Variants in ZNF713 observed in about 807,000 individuals in gnomAD.
ZNF713 encodes zinc finger protein 713.
A neutral mutation model predicts 28.7 loss-of-function variants in ZNF713; 21 were observed. That is an observed-to-expected ratio of 0.73 (90% CI 0.52 to 1.05). ZNF713 has a LOEUF of 1.05. Ranked by LOEUF, ZNF713 falls within the 50% of genes least tolerant of loss-of-function variation. The pLI is 0.00. For synonymous variants in ZNF713, 167 were observed against 178.0 expected, an observed-to-expected ratio of 0.94 and a Z score of 0.49; for missense variants, 458 against 532.4, an observed-to-expected ratio of 0.86 and a Z score of 1.37.
At chr7:55,933,462 A>G (rs1786283393) in intron 6 of ZNF713, among the ~76,000 whole-genome samples, 1 of 151,234 alleles carries the variant, frequency 6.6e-6, no homozygotes, top group African/African-American at 2.4e-5. Context: ...CGCCTGGCTA[A>G]TTTTTTGTAT....
intron 2 of ZNF713, among the ~76,000 whole-genome samples, chr7:55,910,163 G>T (rs894218976): frequency 3.3e-5 from 5 of 151,546 alleles, no homozygotes; most frequent in African/African-American, 1.2e-4. Context: ...ACACTAATTT[G>T]TATCTTGAAA....
chr7:55,930,113 T>C (rs1584317081), intron 6 of ZNF713, among the ~76,000 whole-genome samples: 1 of 151,850 alleles, frequency 6.6e-6, no homozygotes, highest in African/African-American at 2.4e-5. Context: ...CAGGCTGGAG[T>C]GCAGTGACAC....
At chr7:55,914,523 C>T (rs1350982046) in intron 4 of ZNF713, among the ~76,000 whole-genome samples, 1 of 152,172 alleles carries the variant, frequency 6.6e-6, no homozygotes, top group East Asian at 1.9e-4. Flanking sequence ...CCACATCACA[C>T]AACTAATATT....
intron 4 of ZNF713, among the ~76,000 whole-genome samples, chr7:55,920,830 A>G (rs1050940077): frequency 1.3e-5 from 2 of 151,984 alleles, no homozygotes; most frequent in African/African-American, 4.8e-5. Flanking sequence ...CATGTTGGCC[A>G]GGCTGGTCTC....
chr7:55,933,540 A>G (rs1032930569), intron 6 of ZNF713, among the ~76,000 whole-genome samples: 1 of 151,924 alleles, frequency 6.6e-6, no homozygotes, highest in Non-Finnish European at 1.5e-5. Context: ...CAGGTGATCC[A>G]CCCAACTCGG....
At position 55,911,856 on chromosome 7, in the gene ZNF713, A is replaced by G. The variant is rs1785789774; in HGVS notation, c.-215A>G. The stretch of plus-strand genomic sequence containing the variant: ...TTGGCTCCTGAGGCTCTAATCAGAG[A>G]TGGGGCACCTTTAGTACCAGGGGAG... On this transcript the variant is annotated 5_prime_UTR_variant, in exon 3 of 7. It removes an upstream start codon present in the reference 5' UTR. Transcript: ENST00000429591. 6.6e-6 allele frequency: 1 copy of G among 152,164 alleles called. No homozygotes were observed. Among genetic ancestry groups the G allele is most frequent in the South Asian group, 2.1e-4 (1 of 4,832 alleles). The allele number at this position is 152,164 out of a possible 1,614,324, so 9.4% of individuals were successfully genotyped here. A position where few individuals can be genotyped will look rare whatever the true frequency, so the allele number is the denominator to read the frequency against.
chr7:55,895,506 T>C (rs1272905901), intron 1 of ZNF713, among the ~76,000 whole-genome samples: 2 of 126,086 alleles, frequency 1.6e-5, no homozygotes, highest in Non-Finnish European at 3.2e-5. Context: ...TTCACTCTTA[T>C]TGCCCAGGCT....
Position 55,923,710 on chromosome 7 carries a change from A to G in ZNF713, c.307+11A>G, listed in dbSNP as rs138331393. ...TGGATACTCATCCAGGTAAGTGCAC[A>G]CTCTTGGGCACTGCTACTTAATGAG... On this transcript the variant is annotated intron_variant, in intron 6 of 6. Coordinates refer to ENST00000429591, the MANE Select transcript of ZNF713 (RefSeq NM_182633.3). The G allele has an allele frequency of 1.6e-4, 251 of 1,602,836 alleles. 2 individuals are homozygous for G. The African/African-American group carries it at 3.0e-3, about 19-fold the overall frequency.
At chr7:55,923,767 A>G (rs549623812) in intron 6 of ZNF713, 68 bp downstream of exon 6, 40 of 1,246,778 alleles carry the variant, frequency 3.2e-5, no homozygotes, top group Admixed American at 7.7e-5. Context: ...CACTCAGTGG[A>G]GTGTTCCAAA....
intron 1 of ZNF713, among the ~76,000 whole-genome samples, chr7:55,903,775 TATC>T (rs775565258): frequency 3.3e-5 from 5 of 151,016 alleles, no homozygotes; most frequent in Non-Finnish European, 5.9e-5. Context: ...AAGGAGTAGA[TATC>T]ATGGGGGTGG....
At chr7:55,892,305 C>T (rs12718988) in intron 1 of ZNF713, among the ~76,000 whole-genome samples, 102,098 of 126,738 alleles carry the variant, frequency 0.81, 41,419 homozygotes, top group East Asian at 0.94. Context: ...AAAAAAAAAA[C>T]CCCAGGAACA....
chr7:55,940,525 C>T lies in ZNF713; in HGVS notation c.*519C>T. The T allele has an allele frequency of 1.0e-6, 1 of 979,148 alleles. No individual in the cohort carries two copies. Among genetic ancestry groups the T allele is most frequent in the East Asian group, 1.1e-4 (1 of 8,750 alleles). 60.7% of individuals were successfully genotyped at this position (979,148 alleles called of 1,614,324 possible). On this transcript the variant is annotated 3_prime_UTR_variant, in exon 7 of 7. Transcript: ENST00000429591. ...TAAAAAGAAAAAATAATTTATTTTACAAATGAGATTATATTTGGAGTCATG... is the reference window on the plus strand; with the variant it reads ...TAAAAAGAAAAAATAATTTATTTTATAAATGAGATTATATTTGGAGTCATG...
intron 1 of ZNF713, among the ~76,000 whole-genome samples, chr7:55,896,695 T>C (rs1301528329): frequency 2.0e-5 from 3 of 151,724 alleles, no homozygotes. Context: ...TATTTCCTAG[T>C]TATGTCTGCT....
At position 55,903,115 on chromosome 7, in the gene ZNF713, G is replaced by A. The variant is rs138596867; in HGVS notation, c.-582-3138G>A. Among the ~76,000 whole-genome samples the A allele has an allele frequency of 3.3e-5, 5 of 151,528 alleles. No individual in the cohort carries two copies. The East Asian group carries it at 9.7e-4, about 29-fold the overall frequency. On this transcript the variant is annotated intron_variant, in intron 1 of 6. Transcript: ENST00000429591. Reference sequence around the variant, plus strand: ...TGGTATACAGGAGCTCCACTATTTTGCAACTTTCCTGTAAGTCTAAAATGG... The same window carrying A: ...TGGTATACAGGAGCTCCACTATTTTACAACTTTCCTGTAAGTCTAAAATGG...
chr7:55,897,717 C>G (rs1036088117), intron 1 of ZNF713, among the ~76,000 whole-genome samples: 10 of 151,982 alleles, frequency 6.6e-5, no homozygotes, highest in Non-Finnish European at 1.2e-4. Context: ...TAAATATTAC[C>G]GTCAATGAAA....
chr7:55,908,679 T>C (rs1427277778), intron 2 of ZNF713, among the ~76,000 whole-genome samples: 2 of 152,134 alleles, frequency 1.3e-5, no homozygotes, highest in African/African-American at 4.8e-5. Context: ...TATTTTGTCC[T>C]GTTGTCTGTT....
At chr7:55,937,496 G>A (rs1391554033) in intron 6 of ZNF713, among the ~76,000 whole-genome samples, 2 of 152,046 alleles carry the variant, frequency 1.3e-5, no homozygotes, top group East Asian at 3.9e-4. Context: ...AACCCATCCA[G>A]GGGAAGGGAA....
rs1562743561 is a variant in ZNF713 at position 55,919,506 on chromosome 7, T to TTTGTTTTTTTTTTTG, written c.88-3654_88-3653insGTTTTTTTTTTTGTT. 1.2e-3 allele frequency among the ~76,000 whole-genome samples: 78 copies of TTTGTTTTTTTTTTTG among 63,104 alleles called. 4 individuals are homozygous for TTTGTTTTTTTTTTTG. Among genetic ancestry groups the TTTGTTTTTTTTTTTG allele is most frequent in the Admixed American group, 2.8e-3 (15 of 5,420 alleles). 41.4% of individuals were successfully genotyped at this position (63,104 alleles called of 152,430 possible). On this transcript the variant is annotated intron_variant, in intron 4 of 6. Coordinates refer to ENST00000429591, the MANE Select transcript of ZNF713 (RefSeq NM_182633.3). ...AACACTCCAGTTTTTTTTTTTTTTTTTTTTTTTTTTTTTTTTTGAGATGAA... is the reference window on the plus strand; with the variant it reads ...AACACTCCAGTTTTTTTTTTTTTTTTTTGTTTTTTTTTTTGTTTTTTTTTTTTTTTTTGAGATGAA...
chr7:55,893,648 T>G (rs1249683875), intron 1 of ZNF713, among the ~76,000 whole-genome samples: 1 of 151,990 alleles, frequency 6.6e-6, no homozygotes, highest in Non-Finnish European at 1.5e-5. Flanking sequence ...GTCGCGATCT[T>G]GGCTCACTGC....
Sources: gnomAD v4.1 joint callset for allele counts (sites outside exome capture counted in the v4.1 genomes callset) on GRCh38, gnomAD v4.1.1 for gene constraint, MANE v1.5 for transcripts, NCBI Gene and HGNC (gene_info 2026-07-23, HGNC 2026-07-21) for gene names.